Variants in HLCS observed in about 807,000 individuals in gnomAD.
HLCS encodes holocarboxylase synthetase, also known as biotin--protein ligase.
In HLCS, 53 loss-of-function variants were observed where a neutral mutation model predicts 75.0. The observed-to-expected ratio is 0.71, with a 90% confidence interval of 0.57 to 0.89. HLCS has a LOEUF of 0.89. Ranked by LOEUF, HLCS falls within the 40% of genes least tolerant of loss-of-function variation. HLCS has a pLI of 0.00. For synonymous variants in HLCS, 431 were observed against 428.6 expected (o/e 1.01, Z -0.07); for missense variants, 966 against 1,074.0 (o/e 0.90, Z 1.41).
intron 6 of HLCS, among the ~76,000 whole-genome samples, chr21:36,880,503 A>C (rs2064162402): frequency 6.6e-6 from 1 of 152,228 alleles, no homozygotes; most frequent in Admixed American, 6.5e-5. Flanking sequence ...ATGCAAAAAA[A>C]AAAATCATAT....
At chr21:36,955,164 C>T (rs1480893926) in intron 2 of HLCS, among the ~76,000 whole-genome samples, 1 of 152,210 alleles carries the variant, frequency 6.6e-6, no homozygotes, top group African/African-American at 2.4e-5. Context: ...CTGCTCCATG[C>T]ACGTTACTGC....
At position 36,807,695 on chromosome 21, in the gene HLCS, C is replaced by T. The variant is rs528557698; in HGVS notation, c.1893-40410G>A. On this transcript the variant is annotated intron_variant, in intron 6 of 10. Coordinates refer to ENST00000674895, the MANE Select transcript of HLCS (RefSeq NM_001352514.2). ...GTCTGGCACTTTATGTTCATCACCG[C>T]GTTTCATCCTCACCACGACCCTGTT... Among the ~76,000 whole-genome samples the T allele has an allele frequency of 5.3e-5, 8 of 152,266 alleles. No homozygotes were observed. The South Asian group carries it at 1.2e-3, about 24-fold the overall frequency.
chr21:36,827,805 TTTTC>T (rs752003690), intron 6 of HLCS, among the ~76,000 whole-genome samples: 28 of 146,004 alleles, frequency 1.9e-4, no homozygotes, highest in South Asian at 6.5e-4. Context: ...GTATTTTTCT[TTTTC>T]TTTCTTTCTT....
chr21:36,783,985 T>TG (rs1002808479), intron 6 of HLCS, among the ~76,000 whole-genome samples: 3 of 152,154 alleles, frequency 2.0e-5, no homozygotes, highest in African/African-American at 7.2e-5. Context: ...GAACGGGCCA[T>TG]GGGGAAGGGG....
chr21:36,806,336 T>C (rs1317523061), intron 6 of HLCS: 1 of 152,194 alleles, frequency 6.6e-6, no homozygotes, highest in African/African-American at 2.4e-5. Context: ...TGGCCCACAG[T>C]GTGGTTCCCT....
At chr21:36,847,548 A>T (rs185543317) in intron 6 of HLCS, among the ~76,000 whole-genome samples, 4,781 of 146,118 alleles carry the variant, frequency 0.033, 109 homozygotes, top group African/African-American at 0.067. Context: ...ACTGTCAATT[A>T]AAAAAAGTTC....
chr21:36,927,761 T>C (rs918149566), intron 5 of HLCS, among the ~76,000 whole-genome samples: 5 of 152,224 alleles, frequency 3.3e-5, no homozygotes. Flanking sequence ...AACAACTTTA[T>C]AGTTCTAGGG....
Position 36,801,397 on chromosome 21 carries a change from G to A in HLCS, c.1893-34112C>T, listed in dbSNP as rs190875714. Among the ~76,000 whole-genome samples the A allele has an allele frequency of 1.2e-4, 18 of 152,262 alleles. No individual in the cohort carries two copies. The East Asian group carries it at 3.5e-3, about 29-fold the overall frequency. On this transcript the variant is annotated intron_variant, in intron 6 of 10. Coordinates refer to ENST00000674895, the MANE Select transcript of HLCS (RefSeq NM_001352514.2). ...TGTGCCACATTCTATTATAACAATC[G>A]GAGAGGTTATGACAATCAAGAAAAG...
At chr21:36,973,159 G>C (rs1020129384) in intron 1 of HLCS, among the ~76,000 whole-genome samples, 2 of 151,346 alleles carry the variant, frequency 1.3e-5, no homozygotes, top group Non-Finnish European at 2.9e-5. Flanking sequence ...GAGCCCAGAA[G>C]GTCAAGGCTT....
At chr21:36,845,392 G>A (rs565796844) in intron 6 of HLCS, among the ~76,000 whole-genome samples, 2 of 152,202 alleles carry the variant, frequency 1.3e-5, no homozygotes, top group Non-Finnish European at 2.9e-5. Flanking sequence ...TGTACGGATG[G>A]GACTGCTGGG....
At chr21:36,882,651 TG>T (rs1205826255) in intron 6 of HLCS, among the ~76,000 whole-genome samples, 1 of 137,980 alleles carries the variant, frequency 7.2e-6, no homozygotes, top group Non-Finnish European at 1.5e-5. Flanking sequence ...TTAGTAGAGA[TG>T]GGGTTTCTCC....
intron 5 of HLCS, among the ~76,000 whole-genome samples, chr21:36,911,985 C>T (rs1021831261): frequency 4.7e-5 from 7 of 149,158 alleles, no homozygotes; most frequent in African/African-American, 1.7e-4. Context: ...ACAGAAGAAT[C>T]GCTTGAACCC....
chr21:36,786,111 A>AAG (rs2060678635), intron 6 of HLCS, among the ~76,000 whole-genome samples: 1 of 152,178 alleles, frequency 6.6e-6, no homozygotes, highest in Non-Finnish European at 1.5e-5. Flanking sequence ...GCCCTTCTCC[A>AAG]GGGTTTCCTG....
intron 6 of HLCS, among the ~76,000 whole-genome samples, chr21:36,799,108 T>C (rs537599766): frequency 6.6e-6 from 1 of 152,358 alleles, no homozygotes; most frequent in Admixed American, 6.5e-5. Context: ...CCTACTCCAA[T>C]GTCACAAATA....
chr21:36,953,648 A>G (rs2067775850), intron 2 of HLCS, among the ~76,000 whole-genome samples: 1 of 152,226 alleles, frequency 6.6e-6, no homozygotes, highest in Admixed American at 6.5e-5. Flanking sequence ...TTAGGAAATT[A>G]AAAGCACGGC....
At chr21:36,785,089 C>CCTGCT (rs1399667573) in intron 6 of HLCS, among the ~76,000 whole-genome samples, 1 of 152,072 alleles carries the variant, frequency 6.6e-6, no homozygotes, top group Non-Finnish European at 1.5e-5. Context: ...GGAAGAATGC[C>CCTGCT]CTGCCCTGCC....
intron 5 of HLCS, among the ~76,000 whole-genome samples, chr21:36,905,807 T>C (rs1255984848): frequency 1.3e-5 from 2 of 152,120 alleles, no homozygotes; most frequent in African/African-American, 4.8e-5. Context: ...ATCCCAGCCC[T>C]TTGGGAGGCC....
intron 6 of HLCS, among the ~76,000 whole-genome samples, chr21:36,794,836 C>T (rs1186219273): frequency 2.0e-5 from 3 of 152,004 alleles, no homozygotes; most frequent in African/African-American, 4.8e-5. Context: ...GGTGAGTTCA[C>T]GACTTCTGGC....
At chr21:36,755,477 C>T (rs1024828753) in intron 10 of HLCS, among the ~76,000 whole-genome samples, 5 of 152,110 alleles carry the variant, frequency 3.3e-5, no homozygotes, top group African/African-American at 9.7e-5. Context: ...TACTTTATCT[C>T]CTGAGAACAA....
Sources: gnomAD v4.1 joint callset for allele counts (sites outside exome capture counted in the v4.1 genomes callset) on GRCh38, gnomAD v4.1.1 for gene constraint, MANE v1.5 for transcripts, NCBI Gene and HGNC (gene_info 2026-07-23, HGNC 2026-07-21) for gene names.